Variants in MAGI2 observed in about 807,000 individuals in gnomAD.
MAGI2 encodes membrane-associated guanylate kinase, WW and PDZ domain-containing protein 2.
In MAGI2, 35 loss-of-function variants were observed where a neutral mutation model predicts 133.3. That is an observed-to-expected ratio of 0.26 (90% CI 0.20 to 0.35). The LOEUF (loss-of-function observed/expected upper bound fraction) is 0.35, where lower values mean the gene tolerates loss of function less well. Ranked by LOEUF, MAGI2 falls within the 10% of genes least tolerant of loss-of-function variation. The pLI, the probability that MAGI2 is intolerant of heterozygous loss-of-function variation, is 1.00. For missense variants in MAGI2, 1,636 were observed against 1,863.4 expected, an observed-to-expected ratio of 0.88 and a Z score of 2.25; for synonymous variants, 729 against 710.6, an observed-to-expected ratio of 1.03 and a Z score of -0.41.
chr7:79,137,402 T>A (rs1821679164), intron 1 of MAGI2, among the ~76,000 whole-genome samples: 1 of 151,866 alleles, frequency 6.6e-6, no homozygotes, highest in Non-Finnish European at 1.5e-5. Flanking sequence ...TACCATGAGA[T>A]GTTGAGGGGA....
At chr7:78,140,151 ACTC>A (rs1196799549) in intron 16 of MAGI2, among the ~76,000 whole-genome samples, 1 of 152,020 alleles carries the variant, frequency 6.6e-6, no homozygotes, top group Non-Finnish European at 1.5e-5. Context: ...CAGCCAATGA[ACTC>A]CTGTTATTTC....
chr7:78,460,354 G>A (rs1238075184), intron 6 of MAGI2, among the ~76,000 whole-genome samples: 2 of 152,128 alleles, frequency 1.3e-5, no homozygotes, highest in Non-Finnish European at 2.9e-5. Flanking sequence ...TAACTGCATG[G>A]TTACTACATT....
chr7:78,482,453 T>C (rs1792495176), intron 6 of MAGI2, among the ~76,000 whole-genome samples: 1 of 151,944 alleles, frequency 6.6e-6, no homozygotes. Flanking sequence ...CAAACATTCA[T>C]AGCAGCTTTA....
chr7:78,344,271 C>T (rs1790678860), intron 8 of MAGI2, among the ~76,000 whole-genome samples: 1 of 152,130 alleles, frequency 6.6e-6, no homozygotes, highest in Non-Finnish European at 1.5e-5. Context: ...AACAGGCTGC[C>T]AGAGCCTTCT....
intron 7 of MAGI2, among the ~76,000 whole-genome samples, chr7:78,357,943 ATGAAATCATC>A (rs1792263976): frequency 6.6e-6 from 1 of 151,570 alleles, no homozygotes; most frequent in Non-Finnish European, 1.5e-5. Flanking sequence ...CTAATTAAAT[ATGAAATCATC>A]TGATAAACAC....
At chr7:78,939,878 C>T (rs1441632221) in intron 2 of MAGI2, 2 of 152,206 alleles carry the variant, frequency 1.3e-5, no homozygotes, top group African/African-American at 4.8e-5. Context: ...ACACATCATG[C>T]TGGCAGGTAG....
At chr7:79,031,269 C>T (rs1430152787) in intron 1 of MAGI2, among the ~76,000 whole-genome samples, 1 of 152,120 alleles carries the variant, frequency 6.6e-6, no homozygotes, top group Non-Finnish European at 1.5e-5. Context: ...TTACCACTAT[C>T]TAAAATTATA....
At chr7:78,224,284 T>C (rs956954162) in intron 10 of MAGI2, among the ~76,000 whole-genome samples, 3 of 152,196 alleles carry the variant, frequency 2.0e-5, no homozygotes, top group African/African-American at 7.2e-5. Flanking sequence ...CTATGTGACT[T>C]GTGAGGTGAG....
chr7:78,757,641 A>T (rs780873094), intron 2 of MAGI2, among the ~76,000 whole-genome samples: 2 of 152,092 alleles, frequency 1.3e-5, no homozygotes, highest in Non-Finnish European at 2.9e-5. Context: ...GATACAGTTG[A>T]TCATTCTCTC....
chr7:78,797,795 G>A (rs763518), intron 2 of MAGI2, among the ~76,000 whole-genome samples: 70,041 of 151,902 alleles, frequency 0.46, 16,957 homozygotes, highest in South Asian at 0.56. Context: ...AGGGGTAAGG[G>A]GAGAGTGGTC....
At chr7:78,786,432 A>C (rs1179714318) in intron 2 of MAGI2, among the ~76,000 whole-genome samples, 1 of 152,218 alleles carries the variant, frequency 6.6e-6, no homozygotes. Flanking sequence ...TTCATTCAAA[A>C]TATAAGCCAA....
In MAGI2 at chr7:78,526,892, C is replaced by T. The variant is rs1291242777; in HGVS notation, c.539-5247G>A. ...GCATGGTGGCATGTGCCTGTAGTCC[C>T]AGCTACTAAGGAGGCTGAGACAGGA... On this transcript the variant is annotated intron_variant, in intron 3 of 21. Transcript: ENST00000354212. 2.7e-5 allele frequency among the ~76,000 whole-genome samples: 4 copies of T among 150,820 alleles called. No homozygotes were observed. The Admixed American group carries it at 2.7e-4, about 10-fold the overall frequency.
intron 12 of MAGI2, among the ~76,000 whole-genome samples, chr7:78,193,922 A>C (rs1216403465): frequency 2.0e-5 from 3 of 152,200 alleles, no homozygotes; most frequent in Non-Finnish European, 4.4e-5. Context: ...AGCTGGGTGC[A>C]TAATTCTCAG....
chr7:79,346,835 T>C (rs1398744314), intron 1 of MAGI2, among the ~76,000 whole-genome samples: 2 of 152,034 alleles, frequency 1.3e-5, no homozygotes, highest in Non-Finnish European at 2.9e-5. Context: ...GAGCTGTTCG[T>C]TCACACAATT....
At chr7:79,334,681 G>T (rs574733328) in intron 1 of MAGI2, among the ~76,000 whole-genome samples, 68 of 152,108 alleles carry the variant, frequency 4.5e-4, no homozygotes, top group Admixed American at 2.6e-3. Context: ...TAGCCATATT[G>T]CTCTTGCAAT....
rs746306479 is a variant in MAGI2 at position 78,256,076 on chromosome 7, A to C, written c.1914T>G (p.Pro638=). The change falls in exon 10 of 22, where the codon CCT becomes CCG. Residue 638 remains proline (P), a synonymous_variant. Transcript: ENST00000354212. ...VKQILDIQGC[P]GLCEGDLIVE... is the part of the protein sequence containing the mutation. ...CAATGAGGTCGCCTTCACACAGGCCAGGGCATCCCTGAATGTCAAGTATTT... is the reference window on the plus strand; with the variant it reads ...CAATGAGGTCGCCTTCACACAGGCCCGGGCATCCCTGAATGTCAAGTATTT... 6.9e-5 allele frequency: 111 copies of C among 1,613,642 alleles called. No homozygotes were observed. Among genetic ancestry groups the C allele is most frequent in the Non-Finnish European group, 9.2e-5 (108 of 1,179,918 alleles).
chr7:78,749,342 C>G (rs1053574560), intron 2 of MAGI2, among the ~76,000 whole-genome samples: 1 of 152,122 alleles, frequency 6.6e-6, no homozygotes, highest in Admixed American at 6.6e-5. Context: ...GAGACCATAA[C>G]AGGCACAAAG....
At position 79,042,981 on chromosome 7, in the gene MAGI2, T is replaced by A. The variant is rs376474254; in HGVS notation, c.302-35775A>T. On this transcript the variant is annotated intron_variant, in intron 1 of 21. Coordinates refer to ENST00000354212, the MANE Select transcript of MAGI2 (RefSeq NM_012301.4). The stretch of plus-strand genomic sequence containing the variant: ...ATTAAACAACCTGCTCCTGAATGAT[T>A]TTTGGGTAAATGGTGACATTAAGTC... Among the ~76,000 whole-genome samples the A allele has an allele frequency of 7.2e-5, 11 of 152,030 alleles. 1 individual carries two copies. In the South Asian group the frequency reaches 2.3e-3, roughly 32 times the overall value.
chr7:78,603,990 GCT>G (rs1351986562), intron 3 of MAGI2, among the ~76,000 whole-genome samples: 1 of 152,142 alleles, frequency 6.6e-6, no homozygotes, highest in Non-Finnish European at 1.5e-5. Context: ...GAGCTGATAG[GCT>G]GGTCGGATTG....
Sources: gnomAD v4.1 joint callset for allele counts (sites outside exome capture counted in the v4.1 genomes callset) on GRCh38, gnomAD v4.1.1 for gene constraint, MANE v1.5 for transcripts, NCBI Gene and HGNC (gene_info 2026-07-23, HGNC 2026-07-21) for gene names.